The following PSMC3IP variants were observed in gnomAD, a reference collection of about 807,000 sequenced individuals.
The protein encoded by PSMC3IP is PSMC3 interacting protein.
In PSMC3IP, 26 loss-of-function variants were observed where a neutral mutation model predicts 34.9. The ratio of observed to expected loss-of-function variants is 0.74; its 90% confidence interval spans 0.55 to 1.03. The LOEUF is 1.03. Among genes scored for constraint, PSMC3IP ranks in the 50% least tolerant of loss-of-function variants. The pLI, the probability that PSMC3IP is intolerant of heterozygous loss-of-function variation, is 0.00. For synonymous variants in PSMC3IP, 87 were observed against 96.5 expected, an observed-to-expected ratio of 0.90 and a Z score of 0.57; for missense variants, 250 against 263.1, an observed-to-expected ratio of 0.95 and a Z score of 0.34.
rs1264905127 is a variant in PSMC3IP, at chr17:42,577,682, C to G, written c.5G>C (p.Ser2Thr). The G allele has an allele frequency of 1.9e-6, 3 of 1,614,120 alleles. No homozygotes were observed. Among genetic ancestry groups the G allele is most frequent in the South Asian group, 2.2e-5 (2 of 91,092 alleles). The change falls in exon 1 of 8, where the codon AGT (serine) becomes ACT (threonine). Residue 2 changes from serine to threonine, a missense_variant. Ser to Thr is a moderately conservative substitution (Grantham distance 58, BLOSUM62 1). Coordinates refer to ENST00000393795, the MANE Select transcript of PSMC3IP (RefSeq NM_016556.4). ...CGCCGCAGCTTCTGCCCGGCCTTTACTCATCGCCTTTCCCGCCACCCAACT... is the reference window on the plus strand; with the variant it reads ...CGCCGCAGCTTCTGCCCGGCCTTTAGTCATCGCCTTTCCCGCCACCCAACT... MSKGRAEAAAGA... is the reference protein window; with the variant it reads MTKGRAEAAAGA...
chr17:42,574,385 G>A lies in PSMC3IP; in HGVS notation c.226-175C>T, dbSNP rs140220711. 241 of 1,424,564 alleles carry A rather than the reference G, an allele frequency of 1.7e-4. 2 individuals carry two copies. In the African/African-American group the frequency reaches 3.0e-3, roughly 17 times the overall value. 88.2% of individuals were successfully genotyped at this position (1,424,564 alleles called of 1,614,324 possible). On this transcript the variant is annotated intron_variant, in intron 3 of 7. Transcript: ENST00000393795. The stretch of plus-strand genomic sequence containing the variant: ...TTGAGAAATTGTTTTCAGTTAAGGA[G>A]CGGCCCCACTAAAAAGGTAGGAAAG...
At chr17:42,577,121 T>TGGGG in intron 3 of PSMC3IP, 92 bp downstream of exon 3, 1 of 1,592,666 alleles carries the variant, frequency 6.3e-7, no homozygotes, top group South Asian at 1.1e-5. Flanking sequence ...GAGTTTTCCA[T>TGGGG]GGGGGGCCTT....
At chr17:42,576,940 T>C (rs1011948228) in intron 3 of PSMC3IP, 2 of 556,858 alleles carry the variant, frequency 3.6e-6, no homozygotes, top group Non-Finnish European at 5.9e-6. Context: ...CAGAGGGTGT[T>C]GCTAATGTAG....
rs534428419 is a variant in PSMC3IP, at chr17:42,573,344, C to A, written c.504G>T (p.Lys168Asn). The A allele has an allele frequency of 1.5e-5, 25 of 1,614,028 alleles. No individual in the cohort carries two copies. In the East Asian group the frequency reaches 5.1e-4, roughly 33 times the overall value. The change falls in exon 6 of 8, where the codon AAG (lysine) becomes AAT (asparagine). Residue 168 changes from lysine (K) to asparagine (N), a missense_variant. By Grantham distance (94) the Lys-to-Asn change is moderately conservative. Transcript: ENST00000393795. ...EKEQVYRERQ[K>N]YCKEWRKRKR... is the part of the protein sequence containing the mutation. Reference sequence around the variant, plus strand: ...TCCTCTTCCTCCACTCCTTACAGTACTTCTGCCTCTCTCTGTACACCTAGA... The same window carrying A: ...TCCTCTTCCTCCACTCCTTACAGTAATTCTGCCTCTCTCTGTACACCTAGA...
chr17:42,574,002 C>T (rs1408928771), intron 4 of PSMC3IP, 97 bp downstream of exon 4: 1 of 1,564,074 alleles, frequency 6.4e-7, no homozygotes, highest in Non-Finnish European at 8.7e-7. Flanking sequence ...TTAGCTGCAA[C>T]AAGATGCTGC....
chr17:42,572,549 G>A lies in PSMC3IP; in HGVS notation c.*419C>T, dbSNP rs1422047683. 1 of 453,628 alleles carries A rather than the reference G, an allele frequency of 2.2e-6. No homozygotes were observed. Among genetic ancestry groups the A allele is most frequent in the Non-Finnish European group, 4.4e-6 (1 of 226,448 alleles). 28.1% of individuals were successfully genotyped at this position (453,628 alleles called of 1,614,324 possible). A position where few individuals can be genotyped will look rare whatever the true frequency, so the allele number is the denominator to read the frequency against. On this transcript the variant is annotated 3_prime_UTR_variant, in exon 8 of 8. Transcript: ENST00000393795. ...CAGCAGGTCCTGAGTGAAGCCGTGGGCCCTCCAAATGCTCGTTTTATAGCA... is the reference window on the plus strand; with the variant it reads ...CAGCAGGTCCTGAGTGAAGCCGTGGACCCTCCAAATGCTCGTTTTATAGCA...
intron 2 of PSMC3IP, 46 bp downstream of exon 2, chr17:42,577,415 A>ATCCAGGGAG: frequency 1.2e-6 from 2 of 1,611,200 alleles, no homozygotes; most frequent in South Asian, 2.2e-5. Flanking sequence ...CCCAGCCTGA[A>ATCCAGGGAG]TCCAGGGAGT....
intron 4 of PSMC3IP, 44 bp from the exon 5 acceptor site, chr17:42,573,667 G>A: frequency 6.2e-7 from 1 of 1,606,900 alleles, no homozygotes; most frequent in Non-Finnish European, 8.5e-7. Flanking sequence ...CCCTGAGGAA[G>A]GAGTTCTGTC....
intron 3 of PSMC3IP, chr17:42,574,449 T>A: frequency 1.7e-6 from 2 of 1,143,712 alleles, no homozygotes; most frequent in South Asian, 3.2e-5. Context: ...AGCTACTAGG[T>A]TGACAGGATA....
intron 5 of PSMC3IP, 51 bp downstream of exon 5, chr17:42,573,427 C>T (rs1170201197): frequency 1.2e-5 from 19 of 1,614,116 alleles, no homozygotes; most frequent in Non-Finnish European, 1.6e-5. Flanking sequence ...GGGGCTCAGC[C>T]CTGATGTTCA....
At chr17:42,574,917 C>G (rs1298654208) in intron 3 of PSMC3IP, among the ~76,000 whole-genome samples, 3 of 152,162 alleles carry the variant, frequency 2.0e-5, no homozygotes, top group Non-Finnish European at 2.9e-5. Flanking sequence ...CCAAGCGCAG[C>G]TAATTTTTGT....
In PSMC3IP at chr17:42,577,697, G is replaced by A. The variant is rs776447947; in HGVS notation, c.-11C>T. The A allele has an allele frequency of 1.1e-4, 172 of 1,613,802 alleles. No homozygotes were observed. Among genetic ancestry groups the A allele is most frequent in the Non-Finnish European group, 1.3e-4 (158 of 1,179,882 alleles). The stretch of plus-strand genomic sequence containing the variant: ...CCGGCCTTTACTCATCGCCTTTCCC[G>A]CCACCCAACTCAGAAAGCCGGACGT... On this transcript the variant is annotated 5_prime_UTR_variant, in exon 1 of 8. Transcript: ENST00000393795.
At chr17:42,575,947 GGAGGTGGAGCTTATAGTGAGCCGA>G (rs935676204) in intron 3 of PSMC3IP, among the ~76,000 whole-genome samples, 3 of 152,072 alleles carry the variant, frequency 2.0e-5, no homozygotes, top group African/African-American at 7.2e-5. Context: ...CGTGAACCCA[GGAGGTGGAGCTTATAGTGAGCCGA>G]GATTGTGCCA....
At chr17:42,574,784 TTC>T (rs377538375) in intron 3 of PSMC3IP, among the ~76,000 whole-genome samples, 1 of 137,990 alleles carries the variant, frequency 7.2e-6, no homozygotes, top group Non-Finnish European at 1.6e-5. Context: ...CTCTCTTTCT[TTC>T]TCTGTCACCC....
chr17:42,577,777 T>C, upstream of PSMC3IP: 1 of 1,495,262 alleles, frequency 6.7e-7, no homozygotes, highest in South Asian at 1.1e-5. Flanking sequence ...CCTCGAACGG[T>C]GATTGGCTGA....
intron 4 of PSMC3IP, 91 bp downstream of exon 4, chr17:42,574,008 G>A: frequency 6.4e-7 from 1 of 1,569,600 alleles, no homozygotes; most frequent in Non-Finnish European, 8.6e-7. Flanking sequence ...GCAACAAGAT[G>A]CTGCAGTCAT....
At chr17:42,576,716 A>G (rs1394907917) in intron 3 of PSMC3IP, 2 of 194,534 alleles carry the variant, frequency 1.0e-5, no homozygotes, top group Non-Finnish European at 2.2e-5. Context: ...AATTGCTCCC[A>G]ATTTCTGGTT....
In PSMC3IP at chr17:42,577,433, A is replaced by G. The variant is rs754113776; in HGVS notation, c.135+28T>C. The G allele has an allele frequency of 1.9e-6, 3 of 1,612,214 alleles. No individual in the cohort carries two copies. The Admixed American group carries it at 5.0e-5, about 27-fold the overall frequency. On this transcript the variant is annotated intron_variant, in intron 2 of 7. Transcript: ENST00000393795. The stretch of plus-strand genomic sequence containing the variant: ...AGCCTGAATCCAGGGAGTCCGACGG[A>G]GAGGGAATCCCGGGAGAAGGTCCTC...
chr17:42,576,019 TCAACAA>T (rs565806254), intron 3 of PSMC3IP, among the ~76,000 whole-genome samples: 99 of 151,918 alleles, frequency 6.5e-4, no homozygotes, highest in African/African-American at 1.6e-3. Context: ...AGACTCCGTC[TCAACAA>T]CAACAACAAC....
Sources: allele counts gnomAD v4.1 joint callset (sites outside exome capture counted in the v4.1 genomes callset), GRCh38; gene constraint gnomAD v4.1.1; transcripts MANE v1.5; gene names NCBI Gene and HGNC (gene_info 2026-07-23, HGNC 2026-07-21).